KASH5: variants seen among roughly 807,000 people sequenced by gnomAD.
The protein encoded by KASH5 is KASH domain containing 5.
KASH5 carries 72 observed loss-of-function variants against 84.2 expected under a neutral mutation model. The observed-to-expected ratio is 0.85, with a 90% confidence interval of 0.71 to 1.04. The LOEUF (loss-of-function observed/expected upper bound fraction) is 1.04. Ranked by LOEUF, KASH5 falls within the 50% of genes least tolerant of loss-of-function variation. The probability of loss-of-function intolerance (pLI) is 0.00; values close to 1 mark genes in which losing one functional copy is unlikely to be tolerated. For missense variants in KASH5, 650 were observed against 701.0 expected, an observed-to-expected ratio of 0.93 and a Z score of 0.82; for synonymous variants, 260 against 279.1, an observed-to-expected ratio of 0.93 and a Z score of 0.68.
At chr19:49,391,169 C>T (rs1247479838) in intron 2 of KASH5, among the ~76,000 whole-genome samples, 2 of 152,174 alleles carry the variant, frequency 1.3e-5, no homozygotes, top group Non-Finnish European at 1.5e-5. Flanking sequence ...CGCAAGCAGC[C>T]GCACCCCTTA....
chr19:49,395,689 C>T lies in KASH5; in HGVS notation c.336-80C>T, dbSNP rs1212992163. 1.4e-5 allele frequency: 20 copies of T among 1,433,394 alleles called. No homozygotes were observed. The highest frequency in any genetic ancestry group is 1.8e-5 in the Non-Finnish European group (19 of 1,043,592). The allele number at this position is 1,433,394 out of a possible 1,614,324, so 88.8% of individuals were successfully genotyped here. A position where few individuals can be genotyped will look rare whatever the true frequency, so the allele number is the denominator to read the frequency against. ...CACCTGACCCGGTCCCCTCCTCCCA[C>T]CTGCAATCCCCCTGCCTGTGGCTGG... is the stretch of plus-strand genomic sequence containing the variant. On this transcript the variant is annotated intron_variant, in intron 4 of 19. Transcript: ENST00000447857. The surrounding 1 kb of genome is among the most constrained non-coding windows in gnomAD (Gnocchi z 4.4).
intron 16 of KASH5, among the ~76,000 whole-genome samples, chr19:49,413,249 T>C (rs1974783723): frequency 6.6e-6 from 1 of 152,152 alleles, no homozygotes; most frequent in African/African-American, 2.4e-5. Flanking sequence ...GGGGGAGGGC[T>C]CCCAGCGAGG....
intron 9 of KASH5, among the ~76,000 whole-genome samples, chr19:49,404,938 A>G (rs1467912662): frequency 2.0e-5 from 3 of 152,190 alleles, no homozygotes; most frequent in African/African-American, 7.2e-5. Context: ...ACCACAGGGA[A>G]CAAGAGCGCA....
intron 1 of KASH5, among the ~76,000 whole-genome samples, chr19:49,389,137 T>G (rs140792818): frequency 1.4e-5 from 1 of 70,560 alleles, no homozygotes; most frequent in African/African-American, 6.1e-5. Flanking sequence ...GACCCCCGCA[T>G]AAATCAAGAC....
chr19:49,399,823 T>C lies in KASH5; in HGVS notation c.798+316T>C. ...AACAATGGCATCTGCCTCAGTGGTT[T>C]GTGTGAGACTTCAACCGAAGGATAC... On this transcript the variant is annotated intron_variant, in intron 9 of 19. Coordinates refer to ENST00000447857, the MANE Select transcript of KASH5 (RefSeq NM_144688.5). The surrounding 1 kb of genome is among the most constrained non-coding windows in gnomAD (Gnocchi z 4.4). The C allele has an allele frequency of 1.9e-6, 1 of 526,080 alleles. No homozygotes were observed. Among genetic ancestry groups the C allele is most frequent in the Non-Finnish European group, 3.2e-6 (1 of 316,826 alleles). The allele number at this position is 526,080 out of a possible 1,614,324, so 32.6% of individuals were successfully genotyped here.
intron 2 of KASH5, among the ~76,000 whole-genome samples, chr19:49,392,664 C>T (rs1974038772): frequency 6.6e-6 from 1 of 152,156 alleles, no homozygotes; most frequent in South Asian, 2.1e-4. Context: ...GTAATCCCAG[C>T]ACTTTGCGAG....
chr19:49,413,594 G>T (rs1974796346), intron 16 of KASH5, among the ~76,000 whole-genome samples: 1 of 152,208 alleles, frequency 6.6e-6, no homozygotes, highest in South Asian at 2.1e-4. Context: ...TGTCTGGGAA[G>T]AGCTGAGATT....
chr19:49,399,752 C>A lies in KASH5; in HGVS notation c.798+245C>A. On this transcript the variant is annotated intron_variant, in intron 9 of 19. Transcript: ENST00000447857. This position sits in a 1 kb window ranked among gnomAD's most constrained non-coding sequence, Gnocchi z 4.4. Reference sequence around the variant, plus strand: ...CCACCTACATAAGAGTGGACCAGTGCCTCCCTTCTCTGTGCCTCAGTTGCC... The same window carrying A: ...CCACCTACATAAGAGTGGACCAGTGACTCCCTTCTCTGTGCCTCAGTTGCC... The A allele has an allele frequency of 9.7e-7, 1 of 1,029,224 alleles. No homozygotes were observed. The highest frequency in any genetic ancestry group is 1.3e-6 in the Non-Finnish European group (1 of 748,998). 63.8% of individuals were successfully genotyped at this position (1,029,224 alleles called of 1,614,324 possible).
At chr19:49,406,859 A>C (rs1226814446) in intron 9 of KASH5, 27 bp from the exon 10 acceptor site, 1 of 1,584,624 alleles carries the variant, frequency 6.3e-7, no homozygotes, top group Non-Finnish European at 8.6e-7. Context: ...TGCTGGAATG[A>C]ACGTGACCAG....
chr19:49,397,815 G>T, intron 6 of KASH5, 98 bp downstream of exon 6: 1 of 1,486,248 alleles, frequency 6.7e-7, no homozygotes, highest in Non-Finnish European at 9.3e-7. Context: ...TCAGGGAAAT[G>T]AATGAGGGAC....
rs192752644 is a variant in KASH5 at position 49,395,698 on chromosome 19, C to T, written c.336-71C>T. 232 of 1,472,912 alleles carry T rather than the reference C, an allele frequency of 1.6e-4. No homozygotes were observed. The African/African-American group carries it at 2.7e-3, about 17-fold the overall frequency. 91.2% of individuals were successfully genotyped at this position (1,472,912 alleles called of 1,614,324 possible). ...CGGTCCCCTCCTCCCACCTGCAATCCCCCTGCCTGTGGCTGGTGAGGACTG... is the reference window on the plus strand; with the variant it reads ...CGGTCCCCTCCTCCCACCTGCAATCTCCCTGCCTGTGGCTGGTGAGGACTG... On this transcript the variant is annotated intron_variant, in intron 4 of 19. Coordinates refer to ENST00000447857, the MANE Select transcript of KASH5 (RefSeq NM_144688.5). This position sits in a 1 kb window ranked among gnomAD's most constrained non-coding sequence, Gnocchi z 4.4.
At chr19:49,401,658 ACT>A (rs1192834699) in intron 9 of KASH5, among the ~76,000 whole-genome samples, 1 of 151,614 alleles carries the variant, frequency 6.6e-6, no homozygotes, top group Non-Finnish European at 1.5e-5. Context: ...TTAGGGGAAA[ACT>A]CTGGGCTCAT....
rs369003961 is a variant in KASH5 at position 49,406,903 on chromosome 19, C to G, written c.816C>G (p.Ala272=). 6.8e-6 allele frequency: 11 copies of G among 1,606,284 alleles called. No homozygotes were observed. Among genetic ancestry groups the G allele is most frequent in the African/African-American group, 1.3e-5 (1 of 74,738 alleles). ...TLQEENGKLL[A]ERDGVKKRSQ... ...TCTTCTAGAACGGGAAGCTGCTTGCCGAGCGGGATGGAGTGAAAAAGAGAA... is the reference window on the plus strand; with the variant it reads ...TCTTCTAGAACGGGAAGCTGCTTGCGGAGCGGGATGGAGTGAAAAAGAGAA... The change falls in exon 10 of 20, where the codon GCC becomes GCG. Residue 272 remains alanine, a synonymous_variant. Transcript: ENST00000447857.
At chr19:49,397,755 A>T in intron 6 of KASH5, 38 bp downstream of exon 6, 4 of 1,604,294 alleles carry the variant, frequency 2.5e-6, no homozygotes, top group Non-Finnish European at 3.4e-6. Context: ...CCTCCTGCCC[A>T]CACCCTGTCC....
chr19:49,394,733 A>C, intron 3 of KASH5, 153 bp downstream of exon 3: 1 of 629,558 alleles, frequency 1.6e-6, no homozygotes, highest in South Asian at 1.9e-5. Flanking sequence ...TTCAGGAAGA[A>C]GAACGTGGAT....
rs1974156143 is a variant in KASH5 at position 49,395,789 on chromosome 19, A to G, written c.356A>G (p.Glu119Gly). 1.9e-6 allele frequency: 3 copies of G among 1,563,714 alleles called. No homozygotes were observed. The highest frequency in any genetic ancestry group is 2.4e-5 in the South Asian group (2 of 84,612). ...TACAGGGGATTAGAGCTGGAAGAGG[A>G]GACCGCCTTCCAGGGAGCCCTGACC... ...QLHGGLELEE[E>G]TAFQGALTSR... is the part of the protein sequence containing the mutation. Residue 119 changes from glutamate to glycine, a missense_variant, in exon 5 of 20, where the codon GAG becomes GGG. Coordinates refer to ENST00000447857, the MANE Select transcript of KASH5 (RefSeq NM_144688.5). This position sits in a 1 kb window ranked among gnomAD's most constrained non-coding sequence, Gnocchi z 4.4.
chr19:49,408,861 A>G (rs1159979994), intron 12 of KASH5, 106 bp from the exon 13 acceptor site: 2 of 1,191,486 alleles, frequency 1.7e-6, no homozygotes, highest in Non-Finnish European at 2.4e-6. Flanking sequence ...TGGGGAGCCC[A>G]AAGTAGTCAG....
Position 49,397,662 on chromosome 19 carries a change from G to A in KASH5, c.412G>A (p.Ala138Thr). 6.2e-7 allele frequency: 1 copy of A among 1,613,890 alleles called. No individual in the cohort carries two copies. Among genetic ancestry groups the A allele is most frequent in the Non-Finnish European group, 8.5e-7 (1 of 1,179,870 alleles). Reference protein sequence around the residue: ...SRQLPSGCPEAEEPANLESFG... With the variant: ...SRQLPSGCPETEEPANLESFG... The stretch of plus-strand genomic sequence containing the variant: ...CTCTCTCCCTCCAGGATGCCCAGAA[G>A]CTGAGGAGCCAGCCAACCTGGAGAG... The change falls in exon 6 of 20, where the codon GCT (alanine) becomes ACT (threonine). Residue 138 changes from alanine (A) to threonine (T), a missense_variant. Ala to Thr is a moderately conservative substitution (Grantham distance 58). Coordinates refer to ENST00000447857, the MANE Select transcript of KASH5 (RefSeq NM_144688.5).
chr19:49,408,460 C>A, intron 12 of KASH5, among the ~76,000 whole-genome samples: 1 of 136,594 alleles, frequency 7.3e-6, no homozygotes, highest in Non-Finnish European at 1.6e-5. Context: ...TTTTTTCTTT[C>A]TTTTTTGAGA....
Sources: gnomAD v4.1 joint callset for allele counts (sites outside exome capture counted in the v4.1 genomes callset) on GRCh38, gnomAD v4.1.1 for gene constraint, Gnocchi (gnomAD v3.1) non-coding constraint, MANE v1.5 for transcripts, NCBI Gene and HGNC (gene_info 2026-07-23, HGNC 2026-07-21) for gene names.